PTPN12: variants seen among roughly 807,000 people sequenced by gnomAD.
The protein encoded by PTPN12 is protein tyrosine phosphatase non-receptor type 12.
Under a neutral mutation model 97.6 loss-of-function variants are expected in PTPN12, and 29 were observed. That is an observed-to-expected ratio of 0.30 (90% CI 0.22 to 0.41). PTPN12 has a LOEUF of 0.41. Ranked by LOEUF, PTPN12 falls within the 10% of genes least tolerant of loss-of-function variation. The probability of loss-of-function intolerance (pLI) is 1.00; values close to 1 mark genes in which losing one functional copy is unlikely to be tolerated. For synonymous variants in PTPN12, 327 were observed against 300.4 expected, an observed-to-expected ratio of 1.09 and a Z score of -0.91; for missense variants, 819 against 926.0, an observed-to-expected ratio of 0.88 and a Z score of 1.50.
chr7:77,584,161 C>T (rs1028617334), intron 4 of PTPN12, among the ~76,000 whole-genome samples: 4 of 152,204 alleles, frequency 2.6e-5, no homozygotes, highest in Non-Finnish European at 5.9e-5. Context: ...CTGCGAAGAG[C>T]TACCCTATAC....
At chr7:77,567,403 A>C (rs1049214371) in intron 1 of PTPN12, among the ~76,000 whole-genome samples, 1 of 152,190 alleles carries the variant, frequency 6.6e-6, no homozygotes, top group African/African-American at 2.4e-5. Flanking sequence ...AGGGCATCAG[A>C]AACTCTGTAG....
chr7:77,571,644 ATG>A (rs1464152618), intron 2 of PTPN12, among the ~76,000 whole-genome samples: 2 of 152,186 alleles, frequency 1.3e-5, no homozygotes, highest in Non-Finnish European at 2.9e-5. Flanking sequence ...CAGTCTGAAT[ATG>A]TGCCTCTAAG....
Position 77,626,860 on chromosome 7 carries a change from A to G in PTPN12, c.1181A>G (p.His394Arg), listed in dbSNP as rs775027683. The change falls in exon 13 of 18, where the codon CAT (histidine) becomes CGT (arginine). Residue 394 changes from histidine (H) to arginine (R), a missense_variant. By Grantham distance (29) the His-to-Arg change is conservative. This residue lies in a region of PTPN12 where 607 missense variants were observed against 577.3 expected (regional missense o/e 1.05). Coordinates refer to ENST00000248594, the MANE Select transcript of PTPN12 (RefSeq NM_002835.4). ...AGATACCATCCAAAGCCAGTGTTGCATATGGTTTCATCAGAACAACATTCA... is the reference window on the plus strand; with the variant it reads ...AGATACCATCCAAAGCCAGTGTTGCGTATGGTTTCATCAGAACAACATTCA... Reference protein sequence around the residue: ...NDRYHPKPVLHMVSSEQHSAD... With the variant: ...NDRYHPKPVLRMVSSEQHSAD... 49 of 1,613,682 alleles carry G rather than the reference A, an allele frequency of 3.0e-5. No individual in the cohort carries two copies. Among genetic ancestry groups the G allele is most frequent in the Non-Finnish European group, 4.1e-5 (48 of 1,179,590 alleles).
At chr7:77,597,633 GT>G (rs1197154836) in intron 6 of PTPN12, among the ~76,000 whole-genome samples, 1 of 152,136 alleles carries the variant, frequency 6.6e-6, no homozygotes, top group African/African-American at 2.4e-5. Context: ...AAAATGTGGA[GT>G]GACTAAATCA....
At chr7:77,621,545 T>TTGGGAG in intron 12 of PTPN12, among the ~76,000 whole-genome samples, 1 of 152,008 alleles carries the variant, frequency 6.6e-6, no homozygotes, top group Non-Finnish European at 1.5e-5. Context: ...GGCGGGCACC[T>TTGGGAG]GTAGTCTCAG....
At chr7:77,623,235 GT>G (rs769608016) in intron 12 of PTPN12, among the ~76,000 whole-genome samples, 7 of 152,054 alleles carry the variant, frequency 4.6e-5, no homozygotes, top group Non-Finnish European at 7.4e-5. Context: ...TTTGGAGTAA[GT>G]TTTTTTAAAT....
At position 77,634,202 on chromosome 7, in the gene PTPN12, G is replaced by GA. The variant is rs369555210; in HGVS notation, c.2075-1570dup. ...TAACAGTGAGACCCCGTCTGTGGAA[G>GA]AAAAAAAAAAGACCACTGGAGTATC... On this transcript the variant is annotated intron_variant, in intron 14 of 17. Coordinates refer to ENST00000248594, the MANE Select transcript of PTPN12 (RefSeq NM_002835.4). 4.6e-3 allele frequency among the ~76,000 whole-genome samples: 673 copies of GA among 146,220 alleles called. 8 individuals are homozygous for GA. Among genetic ancestry groups the GA allele is most frequent in the African/African-American group, 0.016 (634 of 39,944 alleles).
intron 6 of PTPN12, 125 bp downstream of exon 6, chr7:77,592,381 C>T (rs959002008): frequency 2.2e-5 from 17 of 759,034 alleles, no homozygotes; most frequent in Non-Finnish European, 3.4e-5. Context: ...CCTATGCTTA[C>T]ATTTAAAAAA....
intron 1 of PTPN12, among the ~76,000 whole-genome samples, chr7:77,558,407 G>A (rs564971585): frequency 5.3e-4 from 80 of 152,136 alleles, no homozygotes; most frequent in Non-Finnish European, 9.0e-4. Context: ...GGATCTTTCC[G>A]TAAAAATACT....
chr7:77,606,496 A>G (rs1381299716), intron 8 of PTPN12, among the ~76,000 whole-genome samples: 1 of 152,076 alleles, frequency 6.6e-6, no homozygotes, highest in African/African-American at 2.4e-5. Context: ...TCCCAGGCTC[A>G]AGCAATCCTT....
chr7:77,580,834 G>C (rs1288205988), intron 2 of PTPN12, among the ~76,000 whole-genome samples: 4 of 152,014 alleles, frequency 2.6e-5, no homozygotes, highest in Admixed American at 2.6e-4. Context: ...TTTTAAATAA[G>C]AATTTTAGCA....
In PTPN12 at chr7:77,635,861, T is replaced by A; in HGVS notation, c.2142+12T>A. On this transcript the variant is annotated intron_variant, in intron 15 of 17. Transcript: ENST00000248594. Reference sequence around the variant, plus strand: ...AAAAAAAGTCTGAAGTAAGTCCTTTTGGAATTGGAACAGTTATAGCTTAAC... The same window carrying A: ...AAAAAAAGTCTGAAGTAAGTCCTTTAGGAATTGGAACAGTTATAGCTTAAC... 6.3e-7 allele frequency: 1 copy of A among 1,580,304 alleles called. No homozygotes were observed. The highest frequency in any genetic ancestry group is 8.6e-7 in the Non-Finnish European group (1 of 1,157,688).
At chr7:77,617,387 G>A (rs892282647) in intron 11 of PTPN12, among the ~76,000 whole-genome samples, 1 of 152,120 alleles carries the variant, frequency 6.6e-6, no homozygotes, top group Non-Finnish European at 1.5e-5. Flanking sequence ...GTCAGGAAGT[G>A]ATATGTATAA....
At chr7:77,555,851 C>T (rs1807686448) in intron 1 of PTPN12, among the ~76,000 whole-genome samples, 1 of 150,882 alleles carries the variant, frequency 6.6e-6, no homozygotes, top group African/African-American at 2.4e-5. Flanking sequence ...GGAGGCGGAG[C>T]TTGCAGTGAG....
intron 2 of PTPN12, among the ~76,000 whole-genome samples, chr7:77,579,692 T>C (rs1787451415): frequency 6.6e-6 from 1 of 152,186 alleles, no homozygotes; most frequent in Non-Finnish European, 1.5e-5. Flanking sequence ...TGGAAAAAAC[T>C]ATTTGCACTT....
At position 77,627,386 on chromosome 7, in the gene PTPN12, A is replaced by G; in HGVS notation, c.1707A>G (p.Thr569=). The change falls in exon 13 of 18, where the codon ACA becomes ACG. Residue 569 remains threonine, a synonymous_variant. Coordinates refer to ENST00000248594, the MANE Select transcript of PTPN12 (RefSeq NM_002835.4). ...AAACTAGGAAAACTGTGAGTTTAAC[A>G]CCAAGTCCTACAACACAAGTTGAAA... ...NYQTRKTVSL[T]PSPTTQVETP... 2 of 1,614,138 alleles carry G rather than the reference A, an allele frequency of 1.2e-6. No homozygotes were observed. Among genetic ancestry groups the G allele is most frequent in the South Asian group, 2.2e-5 (2 of 91,082 alleles).
intron 16 of PTPN12, among the ~76,000 whole-genome samples, chr7:77,638,019 G>A (rs1389402789): frequency 4.3e-4 from 55 of 127,292 alleles, no homozygotes; most frequent in South Asian, 1.4e-3. Context: ...GTGCAGTGGC[G>A]CGATCTCGGC....
chr7:77,597,913 C>A lies in PTPN12; in HGVS notation c.552+12C>A, dbSNP rs769955030. 2 of 1,610,920 alleles carry A rather than the reference C, an allele frequency of 1.2e-6. No individual in the cohort carries two copies. The highest frequency in any genetic ancestry group is 1.7e-6 in the Non-Finnish European group (2 of 1,178,614). On this transcript the variant is annotated intron_variant, in intron 7 of 17. Coordinates refer to ENST00000248594, the MANE Select transcript of PTPN12 (RefSeq NM_002835.4). The stretch of plus-strand genomic sequence containing the variant: ...TTGAATTTCAAAATGTAGGTACTTA[C>A]CATTTATAGACTATCTGTAAGAATA...
Position 77,600,700 on chromosome 7 carries a change from TG to T in PTPN12, c.591del (p.Trp197CysfsTer16). 1 of 1,610,598 alleles carries T rather than the reference TG, an allele frequency of 6.2e-7. No homozygotes were observed. Among genetic ancestry groups the T allele is most frequent in the African/African-American group, 1.3e-5 (1 of 74,838 alleles). Reference protein sequence around the residue: ...RRLYQFHYVNWPDHDVPSSFD... With the variant: ...RRLYQFHYVNXPDHDVPSSFD... ...GCTGTATCAGTTTCATTATGTGAAC[TG>T]GCCAGACCATGATGTTCCTTCATCA... On this transcript the variant is annotated frameshift_variant, in exon 8 of 18. Transcript: ENST00000248594. LOFTEE classifies it high-confidence loss of function.
Sources: allele counts gnomAD v4.1 joint callset (sites outside exome capture counted in the v4.1 genomes callset), GRCh38; gene constraint gnomAD v4.1.1; regional missense constraint gnomAD v4.1.1; transcripts MANE v1.5; gene names NCBI Gene and HGNC (gene_info 2026-07-23, HGNC 2026-07-21).